SPOCK1: variants seen among roughly 807,000 people sequenced by gnomAD.
The protein encoded by SPOCK1 is testican-1.
A neutral mutation model predicts 55.3 loss-of-function variants in SPOCK1; 23 were observed. The ratio of observed to expected loss-of-function variants is 0.42; its 90% confidence interval spans 0.30 to 0.59. SPOCK1 has a LOEUF of 0.59. Among genes scored for constraint, SPOCK1 ranks in the 20% least tolerant of loss-of-function variants. The pLI is 0.22. For synonymous variants in SPOCK1, 226 were observed against 221.0 expected, an observed-to-expected ratio of 1.02 and a Z score of -0.20; for missense variants, 499 against 552.5, an observed-to-expected ratio of 0.90 and a Z score of 0.97.
intron 2 of SPOCK1, among the ~76,000 whole-genome samples, chr5:137,325,498 G>C (rs867553602): frequency 1.1e-4 from 17 of 152,134 alleles, no homozygotes; most frequent in African/African-American, 2.7e-4. Context: ...CTGCGTACAT[G>C]CTTCCTAAAA....
intron 2 of SPOCK1, among the ~76,000 whole-genome samples, chr5:137,494,346 C>T (rs1326714503): frequency 5.9e-5 from 9 of 152,150 alleles, no homozygotes; most frequent in Non-Finnish European, 1.2e-4. Context: ...GAGGCTTGCA[C>T]CCCAAATCCA....
chr5:137,454,235 A>G (rs554106495), intron 2 of SPOCK1, among the ~76,000 whole-genome samples: 1 of 152,188 alleles, frequency 6.6e-6, no homozygotes, highest in East Asian at 1.9e-4. Context: ...GGTATTAATG[A>G]GCTCAACAAC....
intron 4 of SPOCK1, among the ~76,000 whole-genome samples, chr5:137,138,288 CAA>C (rs999843147): frequency 8.5e-5 from 13 of 152,152 alleles, no homozygotes; most frequent in African/African-American, 3.1e-4. Flanking sequence ...TCAACACAAG[CAA>C]AAGTGTTGGT....
At chr5:137,396,097 G>T (rs1445439097) in intron 2 of SPOCK1, among the ~76,000 whole-genome samples, 1 of 152,178 alleles carries the variant, frequency 6.6e-6, no homozygotes, top group Non-Finnish European at 1.5e-5. Flanking sequence ...TCTAGAGACA[G>T]ATGGAGATTT....
At chr5:137,341,445 G>A (rs1750421482) in intron 2 of SPOCK1, among the ~76,000 whole-genome samples, 3 of 152,224 alleles carry the variant, frequency 2.0e-5, no homozygotes, top group African/African-American at 7.2e-5. Flanking sequence ...AGGCCTCACG[G>A]ATGCAGTCAT....
At chr5:137,304,065 GTTT>G (rs59137765) in intron 2 of SPOCK1, among the ~76,000 whole-genome samples, 1 of 68,820 alleles carries the variant, frequency 1.5e-5, no homozygotes, top group East Asian at 2.9e-4. Context: ...AATGCAATGG[GTTT>G]TTTTTTTTTT....
rs997252363 is a variant in SPOCK1 at position 137,237,216 on chromosome 5, G to A, written c.232+29794C>T. ...TATTTCCTCCATTTGGTGGCACTGT[G>A]TGCAGATGAGGTCAAGCGGGCAGCC... On this transcript the variant is annotated intron_variant, in intron 3 of 10. Transcript: ENST00000394945. Among the ~76,000 whole-genome samples, 18 of 152,342 alleles carry A rather than the reference G, an allele frequency of 1.2e-4. No individual in the cohort carries two copies. The South Asian group carries it at 1.2e-3, about 11-fold the overall frequency.
At chr5:136,987,002 AGTAAAACATATT>A (rs1750854291) in intron 8 of SPOCK1, among the ~76,000 whole-genome samples, 2 of 152,194 alleles carry the variant, frequency 1.3e-5, no homozygotes, top group Admixed American at 1.3e-4. Flanking sequence ...TCTACCAGGT[AGTAAAACATATT>A]GTAAAACAAC....
At chr5:137,424,978 C>T (rs948931265) in intron 2 of SPOCK1, among the ~76,000 whole-genome samples, 9 of 152,238 alleles carry the variant, frequency 5.9e-5, no homozygotes, top group Admixed American at 6.5e-5. Flanking sequence ...AGTTATTCCT[C>T]ATTAAAATTG....
intron 2 of SPOCK1, among the ~76,000 whole-genome samples, chr5:137,399,362 GTTTGTTGTTGTT>G (rs1332637785): frequency 2.0e-4 from 28 of 138,288 alleles, no homozygotes; most frequent in African/African-American, 7.8e-4. Flanking sequence ...CCTCTTTATT[GTTTGTTGTTGTT>G]GTTGTTGTTG....
intron 2 of SPOCK1, among the ~76,000 whole-genome samples, chr5:137,476,192 C>A (rs1375238876): frequency 2.0e-5 from 3 of 152,070 alleles, no homozygotes; most frequent in Non-Finnish European, 2.9e-5. Flanking sequence ...CTTCCTCCCA[C>A]CCTCCACTCT....
chr5:137,352,643 AGGAGGGAGGAGT>A (rs1750708777), intron 2 of SPOCK1, among the ~76,000 whole-genome samples: 2 of 152,130 alleles, frequency 1.3e-5, no homozygotes, highest in African/African-American at 4.8e-5. Context: ...ACGAGGAAGA[AGGAGGGAGGAGT>A]GGAGGGAGAA....
At chr5:137,273,030 G>T (rs947612955) in intron 2 of SPOCK1, among the ~76,000 whole-genome samples, 1 of 152,070 alleles carries the variant, frequency 6.6e-6, no homozygotes, top group Non-Finnish European at 1.5e-5. Context: ...TCTGACATTT[G>T]GTTTAAAGTC....
intron 9 of SPOCK1, among the ~76,000 whole-genome samples, chr5:136,983,578 C>T (rs1427208540): frequency 1.4e-5 from 2 of 142,922 alleles, no homozygotes; most frequent in Non-Finnish European, 3.0e-5. Context: ...TCAAGGACTG[C>T]AGAGAAAGTG....
Position 137,250,353 on chromosome 5 carries a change from G to A in SPOCK1, c.232+16657C>T, listed in dbSNP as rs547282586. On this transcript the variant is annotated intron_variant, in intron 3 of 10. Transcript: ENST00000394945. The stretch of plus-strand genomic sequence containing the variant: ...TAATTGAGCCTCCATTTCCTTTCCT[G>A]TAAGATAGGTACAATAATAGATAGC... 2.6e-5 allele frequency among the ~76,000 whole-genome samples: 4 copies of A among 152,244 alleles called. No individual in the cohort carries two copies. In the South Asian group the frequency reaches 6.2e-4, roughly 24 times the overall value.
intron 3 of SPOCK1, among the ~76,000 whole-genome samples, chr5:137,180,131 G>T (rs1754941302): frequency 6.6e-6 from 1 of 152,082 alleles, no homozygotes; most frequent in South Asian, 2.1e-4. Context: ...CAAGCATCCG[G>T]TTCTCCACCC....
intron 5 of SPOCK1, among the ~76,000 whole-genome samples, chr5:137,109,661 C>T (rs1753430901): frequency 6.6e-6 from 1 of 152,136 alleles, no homozygotes; most frequent in African/African-American, 2.4e-5. Context: ...CCCTCTCCTT[C>T]TTATCTCATG....
chr5:137,343,187 T>C (rs984520814), intron 2 of SPOCK1, among the ~76,000 whole-genome samples: 10 of 152,014 alleles, frequency 6.6e-5, no homozygotes, highest in Non-Finnish European at 1.5e-4. Flanking sequence ...TCTGGGAGGG[T>C]TTGGCTGTCC....
At chr5:136,995,021 A>T (rs571071637) in intron 6 of SPOCK1, among the ~76,000 whole-genome samples, 2 of 152,252 alleles carry the variant, frequency 1.3e-5, no homozygotes, top group East Asian at 1.9e-4. Context: ...ATCAAAATTT[A>T]AAAAATCTAA....
Sources: allele counts gnomAD v4.1 joint callset (sites outside exome capture counted in the v4.1 genomes callset), GRCh38; gene constraint gnomAD v4.1.1; transcripts MANE v1.5; gene names NCBI Gene and HGNC (gene_info 2026-07-23, HGNC 2026-07-21).